Variants in MYOCD observed in about 807,000 individuals in gnomAD.
The protein encoded by MYOCD is myocardin.
Under a neutral mutation model 96.1 loss-of-function variants are expected in MYOCD, and 32 were observed. The ratio of observed to expected loss-of-function variants is 0.33; its 90% confidence interval spans 0.25 to 0.45. The LOEUF is 0.45. Among genes scored for constraint, MYOCD ranks in the 20% least tolerant of loss-of-function variants. The probability of loss-of-function intolerance (pLI) is 1.00; values close to 1 mark genes in which losing one functional copy is unlikely to be tolerated. For synonymous variants in MYOCD, 469 were observed against 469.0 expected (o/e 1.00, Z 0.00); for missense variants, 1,133 against 1,200.6 (o/e 0.94, Z 0.83).
intron 1 of MYOCD, among the ~76,000 whole-genome samples, chr17:12,687,578 CTTA>C (rs948576013): frequency 1.3e-5 from 2 of 152,118 alleles, no homozygotes; most frequent in African/African-American, 4.8e-5. Flanking sequence ...CAAATGATAA[CTTA>C]TTAAGTATAT....
In MYOCD at chr17:12,752,525, C is replaced by G; in HGVS notation, c.1237C>G (p.Pro413Ala). Residue 413 changes from proline to alanine, a missense_variant, in exon 10 of 14, where the codon CCG becomes GCG. Physicochemically the swap from Pro to Ala is conservative, Grantham distance 27. Transcript: ENST00000425538. ...CCAGGACTGCTCTGGCAACCCAGTGCCGAACTTTGGGGATATAACGACTGT... is the reference window on the plus strand; with the variant it reads ...CCAGGACTGCTCTGGCAACCCAGTGGCGAACTTTGGGGATATAACGACTGT... ...PFQDCSGNPV[P>A]NFGDITTVTF... is the part of the protein sequence containing the mutation. The G allele has an allele frequency of 6.2e-7, 1 of 1,614,158 alleles. No homozygotes were observed. The highest frequency in any genetic ancestry group is 8.5e-7 in the Non-Finnish European group (1 of 1,180,042).
intron 1 of MYOCD, among the ~76,000 whole-genome samples, chr17:12,690,690 C>G (rs1305493587): frequency 2.6e-5 from 4 of 151,778 alleles, no homozygotes; most frequent in Non-Finnish European, 5.9e-5. Flanking sequence ...AAAATGTATT[C>G]CCAGTCTACC....
intron 12 of MYOCD, among the ~76,000 whole-genome samples, chr17:12,759,842 A>T (rs553032025): frequency 6.6e-6 from 1 of 152,184 alleles, no homozygotes; most frequent in African/African-American, 2.4e-5. Flanking sequence ...GTAAAAAGAC[A>T]TTTTCTATTT....
chr17:12,710,881 C>A (rs2031461265), intron 2 of MYOCD, among the ~76,000 whole-genome samples: 1 of 152,160 alleles, frequency 6.6e-6, no homozygotes, highest in Non-Finnish European at 1.5e-5. Flanking sequence ...CCCATCTCTC[C>A]TTCAATTTTC....
intron 1 of MYOCD, among the ~76,000 whole-genome samples, chr17:12,700,326 A>G (rs1256343786): frequency 6.6e-6 from 1 of 151,164 alleles, no homozygotes; most frequent in Non-Finnish European, 1.5e-5. Flanking sequence ...GTCCAGCTCA[A>G]TCTAAGTCAA....
intron 1 of MYOCD, among the ~76,000 whole-genome samples, chr17:12,696,448 A>G (rs930939674): frequency 1.3e-5 from 2 of 152,006 alleles, no homozygotes; most frequent in South Asian, 2.1e-4. Flanking sequence ...GGTGAAATTG[A>G]TGGATCATAC....
Position 12,763,461 on chromosome 17 carries a change from G to A in MYOCD, c.2778G>A (p.Leu926=), listed in dbSNP as rs1275757671. 1.9e-6 allele frequency: 3 copies of A among 1,614,050 alleles called. No homozygotes were observed. Among genetic ancestry groups the A allele is most frequent in the Non-Finnish European group, 1.7e-6 (2 of 1,180,028 alleles). The change falls in exon 14 of 14, where the codon CTG becomes CTA. Residue 926 remains leucine (L), a synonymous_variant. Transcript: ENST00000425538. ...FSPSSVDSNG[L]QLSFTESPWE... is the part of the protein sequence containing the mutation. ...CCTCTTCTGTGGACAGCAATGGGCT[G>A]CAGTTAAGCTTCACTGAATCTCCCT...
intron 7 of MYOCD, 30 bp from the exon 8 acceptor site, chr17:12,744,153 G>T: frequency 6.2e-7 from 1 of 1,609,456 alleles, no homozygotes; most frequent in Non-Finnish European, 8.5e-7. Flanking sequence ...ATCACCTAAA[G>T]CACATGCAAT....
Position 12,756,507 on chromosome 17 carries a change from C to A in MYOCD, c.2152C>A (p.His718Asn), listed in dbSNP as rs1356956823. The part of the protein sequence containing the change: ...PFSGAQADSS[H>N]GAGGNPCPKS... ...CTCTGGAGCCCAAGCAGACAGCAGT[C>A]ATGGTGCCGGGGGAAACCCTTGTCC... The change falls in exon 11 of 14, where the codon CAT becomes AAT. Residue 718 changes from histidine to asparagine, a missense_variant. His to Asn is a moderately conservative substitution (Grantham distance 68). Coordinates refer to ENST00000425538, the MANE Select transcript of MYOCD (RefSeq NM_001146312.3). The A allele has an allele frequency of 2.6e-6, 4 of 1,551,682 alleles. No homozygotes were observed. In the South Asian group the frequency reaches 3.6e-5, roughly 14 times the overall value.
At chr17:12,727,957 C>A (rs2032048550) in intron 5 of MYOCD, among the ~76,000 whole-genome samples, 1 of 152,132 alleles carries the variant, frequency 6.6e-6, no homozygotes, top group South Asian at 2.1e-4. Context: ...GGTTCATCAC[C>A]CTAAAATGAC....
Position 12,673,035 on chromosome 17 carries a change from G to A in MYOCD, c.55+6792G>A, listed in dbSNP as rs146248321. On this transcript the variant is annotated intron_variant, in intron 1 of 13. Coordinates refer to ENST00000425538, the MANE Select transcript of MYOCD (RefSeq NM_001146312.3). ...ATAAAATATGGTCAAATAACTCCAG[G>A]CAATATCCTCATTTCACAGATGATG... Among the ~76,000 whole-genome samples the A allele has an allele frequency of 9.2e-3, 1,400 of 152,102 alleles. 8 individuals are homozygous for A. Among genetic ancestry groups the A allele is most frequent in the South Asian group, 0.015 (70 of 4,816 alleles).
Position 12,763,732 on chromosome 17 carries a change from G to A in MYOCD, c.*88G>A. The A allele has an allele frequency of 9.4e-7, 1 of 1,060,816 alleles. No individual in the cohort carries two copies. Among genetic ancestry groups the A allele is most frequent in the Non-Finnish European group, 1.3e-6 (1 of 752,644 alleles). The allele number at this position is 1,060,816 out of a possible 1,614,324, so 65.7% of individuals were successfully genotyped here. ...ATACATACTTTACTGTCCAAAAACA[G>A]AAGAAGAAGAAGAGAATTAAAAAGA... On this transcript the variant is annotated 3_prime_UTR_variant, in exon 14 of 14. Transcript: ENST00000425538.
At chr17:12,758,334 C>G in intron 12 of MYOCD, 121 bp downstream of exon 12, 1 of 1,434,874 alleles carries the variant, frequency 7.0e-7, no homozygotes, top group Non-Finnish European at 9.5e-7. Context: ...TGTGCCATAC[C>G]ACCAAAATAA....
intron 9 of MYOCD, among the ~76,000 whole-genome samples, chr17:12,747,808 C>A (rs1383772226): frequency 2.0e-5 from 3 of 151,492 alleles, no homozygotes; most frequent in African/African-American, 7.3e-5. Context: ...TCTTTGATTT[C>A]TTTTTGAAAA....
intron 1 of MYOCD, among the ~76,000 whole-genome samples, chr17:12,668,386 A>C (rs972904395): frequency 2.6e-5 from 4 of 152,240 alleles, no homozygotes; most frequent in African/African-American, 9.6e-5. Context: ...TTCAAAAAAT[A>C]AATGCAACAG....
At chr17:12,688,856 A>G (rs1163484262) in intron 1 of MYOCD, among the ~76,000 whole-genome samples, 1 of 151,986 alleles carries the variant, frequency 6.6e-6, no homozygotes, top group Non-Finnish European at 1.5e-5. Flanking sequence ...GAGTTCTGCT[A>G]GGACACTTGG....
intron 1 of MYOCD, among the ~76,000 whole-genome samples, chr17:12,701,227 C>G (rs1337088963): frequency 6.6e-6 from 1 of 152,096 alleles, no homozygotes; most frequent in Non-Finnish European, 1.5e-5. Flanking sequence ...ACCTCACCAA[C>G]ATGGCGAAAC....
intron 5 of MYOCD, among the ~76,000 whole-genome samples, chr17:12,733,990 A>C (rs1283391199): frequency 6.6e-6 from 1 of 152,068 alleles, no homozygotes; most frequent in Non-Finnish European, 1.5e-5. Context: ...CTACTCAGCC[A>C]CCTGCTATTT....
chr17:12,713,311 A>C (rs2031536798), intron 2 of MYOCD, among the ~76,000 whole-genome samples: 1 of 152,184 alleles, frequency 6.6e-6, no homozygotes, highest in Non-Finnish European at 1.5e-5. Flanking sequence ...GAGATACAGG[A>C]AATACAGTGT....
Sources: gnomAD v4.1 joint callset for allele counts (sites outside exome capture counted in the v4.1 genomes callset) on GRCh38, gnomAD v4.1.1 for gene constraint, MANE v1.5 for transcripts, NCBI Gene and HGNC (gene_info 2026-07-23, HGNC 2026-07-21) for gene names.